SLC6A17: variants seen among roughly 807,000 people sequenced by gnomAD.
The protein encoded by SLC6A17 is sodium-dependent neutral amino acid transporter SLC6A17.
SLC6A17 carries 21 observed loss-of-function variants against 64.5 expected under a neutral mutation model. That is an observed-to-expected ratio of 0.33 (90% confidence interval 0.23 to 0.47). The LOEUF (loss-of-function observed/expected upper bound fraction) is 0.47, where lower values mean the gene tolerates loss of function less well. Ranked by LOEUF, SLC6A17 falls within the 20% of genes least tolerant of loss-of-function variation. The pLI, the probability that SLC6A17 is intolerant of heterozygous loss-of-function variation, is 1.00. For synonymous variants in SLC6A17, 372 were observed against 399.5 expected (o/e 0.93, Z 0.82); for missense variants, 682 against 963.2 (o/e 0.71, Z 3.86).
chr1:110,153,168 C>G (rs987052332), intron 1 of SLC6A17, among the ~76,000 whole-genome samples: 1 of 152,192 alleles, frequency 6.6e-6, no homozygotes, highest in Non-Finnish European at 1.5e-5. Context: ...TTGTTTCTGA[C>G]TGTAGCCTGG....
chr1:110,151,647 C>T (rs1193901069), intron 1 of SLC6A17, among the ~76,000 whole-genome samples: 1 of 152,160 alleles, frequency 6.6e-6, no homozygotes, highest in Non-Finnish European at 1.5e-5. Context: ...GGCGCGGCTG[C>T]CTTGGAAAGA....
In SLC6A17 at chr1:110,196,538, T is replaced by C. The variant is rs546821463; in HGVS notation, c.1652+793T>C. Among the ~76,000 whole-genome samples, 3 of 152,336 alleles carry C rather than the reference T, an allele frequency of 2.0e-5. No homozygotes were observed. In the South Asian group the frequency reaches 6.2e-4, roughly 32 times the overall value. On this transcript the variant is annotated intron_variant, in intron 10 of 11. Transcript: ENST00000331565. Reference sequence around the variant, plus strand: ...GCTGTGGGCCAGGGCTGTAAGACACTGCCACAAAGGACTCTGGCTGATTTT... The same window carrying C: ...GCTGTGGGCCAGGGCTGTAAGACACCGCCACAAAGGACTCTGGCTGATTTT...
At chr1:110,173,889 C>CG in intron 3 of SLC6A17, 84 bp from the exon 4 acceptor site, 4 of 1,541,514 alleles carry the variant, frequency 2.6e-6, no homozygotes, top group Non-Finnish European at 3.5e-6. Flanking sequence ...ATGGCGCTGC[C>CG]GACGTGCTGG....
intron 8 of SLC6A17, among the ~76,000 whole-genome samples, chr1:110,194,098 C>T (rs1225828251): frequency 6.6e-6 from 1 of 152,188 alleles, no homozygotes; most frequent in Non-Finnish European, 1.5e-5. Context: ...CCAATCCAGT[C>T]ATTGTCCGTG....
chr1:110,176,493 C>T, intron 5 of SLC6A17, 136 bp from the exon 6 acceptor site: 4 of 789,614 alleles, frequency 5.1e-6, no homozygotes, highest in Non-Finnish European at 8.4e-6. Flanking sequence ...AGTTTTGGCC[C>T]TCTGCCCAGG....
At position 110,193,492 on chromosome 1, in the gene SLC6A17, G is replaced by C. The variant is rs528660456; in HGVS notation, c.1299+794G>C. On this transcript the variant is annotated intron_variant, in intron 8 of 11. Coordinates refer to ENST00000331565, the MANE Select transcript of SLC6A17 (RefSeq NM_001010898.4). The stretch of plus-strand genomic sequence containing the variant: ...ATACCCACAGCATCTTGGGAACCAG[G>C]CTGGAGCCAAGGCTCACATGGGGCG... Among the ~76,000 whole-genome samples the C allele has an allele frequency of 1.0e-3, 154 of 152,380 alleles. 1 individual carries two copies. The highest frequency in any genetic ancestry group is 3.5e-3 in the African/African-American group (146 of 41,590).
chr1:110,172,006 C>T (rs201265549), intron 2 of SLC6A17, 54 bp from the exon 3 acceptor site: 178 of 1,589,702 alleles, frequency 1.1e-4, no homozygotes, highest in Non-Finnish European at 1.3e-4. Context: ...CCCCTTCCCT[C>T]ACTCTGCTGC....
At position 110,198,562 on chromosome 1, in the gene SLC6A17, A is replaced by C; in HGVS notation, c.*118A>C. 2.0e-6 allele frequency: 3 copies of C among 1,486,052 alleles called. No homozygotes were observed. The South Asian group carries it at 4.1e-5, about 20-fold the overall frequency. The allele number at this position is 1,486,052 out of a possible 1,614,324, so 92.1% of individuals were successfully genotyped here. On this transcript the variant is annotated 3_prime_UTR_variant, in exon 12 of 12. Transcript: ENST00000331565. The stretch of plus-strand genomic sequence containing the variant: ...GGCCAGGCCCTTTGCCCAAGAAGAG[A>C]GGGTCTGCCCTGCCTCACTCCCCTC...
chr1:110,165,535 G>A (rs914103122), intron 1 of SLC6A17, among the ~76,000 whole-genome samples: 10 of 152,140 alleles, frequency 6.6e-5, no homozygotes, highest in African/African-American at 2.4e-4. Flanking sequence ...CTGCTAATGT[G>A]GTCCAAGACC....
rs952211776 is a variant in SLC6A17 at position 110,200,964 on chromosome 1, C to T, written c.*2520C>T. ...AGGGTGCTTCGGGAGCCCCCTGCTACGGGGAAAGGCATGTGTTTCTTGCTG... is the reference window on the plus strand; with the variant it reads ...AGGGTGCTTCGGGAGCCCCCTGCTATGGGGAAAGGCATGTGTTTCTTGCTG... On this transcript the variant is annotated 3_prime_UTR_variant, in exon 12 of 12. Coordinates refer to ENST00000331565, the MANE Select transcript of SLC6A17 (RefSeq NM_001010898.4). The T allele has an allele frequency of 9.9e-5, 15 of 151,932 alleles. No homozygotes were observed. Among genetic ancestry groups the T allele is most frequent in the South Asian group, 8.3e-4 (4 of 4,808 alleles). The allele number at this position is 151,932 out of a possible 1,614,324, so 9.4% of individuals were successfully genotyped here.
In SLC6A17 at chr1:110,194,419, C is replaced by T. The variant is rs57407718; in HGVS notation, c.1300-160C>T. 7.9e-3 allele frequency among the ~76,000 whole-genome samples: 1,210 copies of T among 152,314 alleles called. 12 individuals carry two copies. Among genetic ancestry groups the T allele is most frequent in the African/African-American group, 0.028 (1,152 of 41,570 alleles). The stretch of plus-strand genomic sequence containing the variant: ...GGGGATTCCAATGCCTGCTAAAGTT[C>T]GAGACCCACTGGCCAAAATCAACAG... On this transcript the variant is annotated intron_variant, in intron 8 of 11. Coordinates refer to ENST00000331565, the MANE Select transcript of SLC6A17 (RefSeq NM_001010898.4).
At chr1:110,188,112 G>A (rs1291041533) in intron 6 of SLC6A17, among the ~76,000 whole-genome samples, 1 of 152,184 alleles carries the variant, frequency 6.6e-6, no homozygotes, top group African/African-American at 2.4e-5. Flanking sequence ...AAATACTAAC[G>A]TGTTTGATTA....
intron 1 of SLC6A17, among the ~76,000 whole-genome samples, chr1:110,160,658 G>C (rs577188658): frequency 6.6e-6 from 1 of 152,356 alleles, no homozygotes; most frequent in Admixed American, 6.5e-5. Context: ...CTCACTCACA[G>C]ACTCGCAGGA....
intron 6 of SLC6A17, among the ~76,000 whole-genome samples, chr1:110,191,183 A>G (rs1180244091): frequency 6.6e-6 from 1 of 152,212 alleles, no homozygotes; most frequent in African/African-American, 2.4e-5. Context: ...AAAGCTTCAT[A>G]GCCATTTAAA....
intron 6 of SLC6A17, among the ~76,000 whole-genome samples, chr1:110,177,440 G>A (rs542155278): frequency 2.6e-5 from 4 of 152,260 alleles, no homozygotes; most frequent in African/African-American, 4.8e-5. Flanking sequence ...CCCTAAAGAC[G>A]GTCTGTCTCC....
chr1:110,161,216 G>T (rs1037121056), intron 1 of SLC6A17, among the ~76,000 whole-genome samples: 4 of 152,188 alleles, frequency 2.6e-5, no homozygotes, highest in Admixed American at 6.5e-5. Flanking sequence ...GCCTGTTTTG[G>T]GCTCAGTAAA....
At chr1:110,190,466 C>G (rs1656795745) in intron 6 of SLC6A17, among the ~76,000 whole-genome samples, 1 of 152,208 alleles carries the variant, frequency 6.6e-6, no homozygotes, top group South Asian at 2.1e-4. Context: ...AACATCTCAG[C>G]TGTTGGAGTG....
rs1570990296 is a variant in SLC6A17, at chr1:110,175,785, C to T, written c.753+825C>T. On this transcript the variant is annotated intron_variant, in intron 5 of 11. Transcript: ENST00000331565. ...CCCCAGCCATTGACCTCTTCCCTTT[C>T]CAGAGGCTGAAATAGTAGCTGATGC... 2.0e-5 allele frequency among the ~76,000 whole-genome samples: 3 copies of T among 152,328 alleles called. No individual in the cohort carries two copies. In the East Asian group the frequency reaches 5.8e-4, roughly 29 times the overall value.
At position 110,168,129 on chromosome 1, in the gene SLC6A17, AAG is replaced by A. The variant is rs1452700209; in HGVS notation, c.286+917_286+918del. 4 of 152,336 alleles carry A rather than the reference AAG, an allele frequency of 2.6e-5. No individual in the cohort carries two copies. In the East Asian group the frequency reaches 7.7e-4, roughly 29 times the overall value. The allele number at this position is 152,336 out of a possible 1,614,324, so 9.4% of individuals were successfully genotyped here. The stretch of plus-strand genomic sequence containing the variant: ...AGAAAACCCCAATAGGCTGGAAACA[AAG>A]AGTTTTGCAAGCCCAGACCTCTGGT... On this transcript the variant is annotated intron_variant, in intron 2 of 11. Transcript: ENST00000331565.
Sources: gnomAD v4.1 joint callset for allele counts (sites outside exome capture counted in the v4.1 genomes callset) on GRCh38, gnomAD v4.1.1 for gene constraint, MANE v1.5 for transcripts, NCBI Gene and HGNC (gene_info 2026-07-23, HGNC 2026-07-21) for gene names.